Variants in SWI5 observed in about 807,000 individuals in gnomAD.
SWI5 encodes SWI5 homologous recombination repair protein.
A neutral mutation model predicts 17.0 loss-of-function variants in SWI5; 12 were observed. The observed-to-expected ratio is 0.71, with a 90% CI of 0.45 to 1.14. The LOEUF (loss-of-function observed/expected upper bound fraction) is 1.14, where lower values mean the gene tolerates loss of function less well. Ranked by LOEUF, SWI5 falls within the 50% of genes most tolerant of loss-of-function variation. The probability of loss-of-function intolerance (pLI) is 0.00; values close to 1 mark genes in which losing one functional copy is unlikely to be tolerated. For missense variants in SWI5, 158 were observed against 162.2 expected (o/e 0.97, Z 0.14); for synonymous variants, 61 against 64.0 (o/e 0.95, Z 0.22).
At chr9:128,279,479 G>T (rs1263055826) in intron 2 of SWI5, among the ~76,000 whole-genome samples, 2 of 152,188 alleles carry the variant, frequency 1.3e-5, no homozygotes, top group African/African-American at 4.8e-5. Context: ...TCACATGATC[G>T]TGGGCCAGTG....
chr9:128,278,016 G>C (rs1022875759), intron 2 of SWI5, among the ~76,000 whole-genome samples: 9 of 142,186 alleles, frequency 6.3e-5, no homozygotes, highest in Non-Finnish European at 1.3e-4. Flanking sequence ...GCAATGGTGC[G>C]ATCTGGGCTC....
chr9:128,275,918 C>T (rs1831328211), upstream of SWI5: 2 of 1,588,530 alleles, frequency 1.3e-6, no homozygotes, highest in Non-Finnish European at 1.7e-6. Flanking sequence ...GGCCAATTTG[C>T]TCTGTCGGGT....
intron 2 of SWI5, among the ~76,000 whole-genome samples, chr9:128,284,093 C>T (rs867852612): frequency 6.6e-6 from 1 of 151,480 alleles, no homozygotes; most frequent in Non-Finnish European, 1.5e-5. Context: ...GTCAGGAGTT[C>T]GAGACCAGCC....
upstream of SWI5, chr9:128,275,411 G>A (rs543897369): frequency 3.4e-5 from 44 of 1,294,488 alleles, 2 homozygotes; most frequent in South Asian, 1.2e-3. Flanking sequence ...CTCCGCGATG[G>A]GGGAGGGGAC....
chr9:128,276,077 T>TG (rs904584779), upstream of SWI5: 6 of 1,573,618 alleles, frequency 3.8e-6, no homozygotes, highest in African/African-American at 2.8e-5. Context: ...GAGCGCAGAA[T>TG]GGGGGCGTGG....
At chr9:128,275,741 G>T, upstream of SWI5, 1 of 597,866 alleles carries the variant, frequency 1.7e-6, no homozygotes, top group Non-Finnish European at 2.9e-6. Context: ...AGGGGGCGGG[G>T]CTGGCTGACA....
At chr9:128,279,170 C>T (rs1440805365) in intron 2 of SWI5, among the ~76,000 whole-genome samples, 3 of 152,164 alleles carry the variant, frequency 2.0e-5, no homozygotes, top group South Asian at 2.1e-4. Context: ...TGTGCCCGCT[C>T]GGCTGGCTCC....
chr9:128,279,816 C>T (rs1167246769), intron 2 of SWI5, among the ~76,000 whole-genome samples: 13 of 152,140 alleles, frequency 8.5e-5, no homozygotes, highest in Non-Finnish European at 2.9e-5. Context: ...CTCCCTTTCA[C>T]GGTCTGCTAG....
chr9:128,288,953 T>C, exon 5 of SWI5: 1 of 573,890 alleles, frequency 1.7e-6, no homozygotes, highest in Non-Finnish European at 3.1e-6. Context: ...TAGGGGTACA[T>C]GTACTTTATT....
At chr9:128,276,513 A>G in intron 1 of SWI5, 111 bp downstream of exon 1, 8 of 1,566,578 alleles carry the variant, frequency 5.1e-6, no homozygotes, top group Non-Finnish European at 6.9e-6. Flanking sequence ...GCTCCAGACA[A>G]CCCCCGTCTC....
exon 4 of SWI5, chr9:128,286,007 T>C: frequency 2.5e-6 from 4 of 1,613,988 alleles, no homozygotes; most frequent in Non-Finnish European, 3.4e-6. Context: ...ATCAAGGATG[T>C]GGGGCAGATG....
At chr9:128,275,501 G>A, upstream of SWI5, 1 of 1,310,106 alleles carries the variant, frequency 7.6e-7, no homozygotes. Flanking sequence ...CAGGAGGTGA[G>A]GGTCGAGTCT....
At chr9:128,287,545 A>C (rs1255860256) in intron 4 of SWI5, among the ~76,000 whole-genome samples, 1 of 145,892 alleles carries the variant, frequency 6.9e-6, no homozygotes, top group Non-Finnish European at 1.5e-5. Context: ...ACCTGGAGCC[A>C]GTGGCCTATC....
In SWI5 at chr9:128,288,809, T is replaced by G. The variant is rs1831690181; in HGVS notation, c.*93T>G. The G allele has an allele frequency of 7.7e-6, 11 of 1,423,092 alleles. No homozygotes were observed. In the South Asian group the frequency reaches 1.1e-4, roughly 14 times the overall value. The allele number at this position is 1,423,092 out of a possible 1,614,324, so 88.2% of individuals were successfully genotyped here. On this transcript the variant is annotated 3_prime_UTR_variant, in exon 5 of 5. Coordinates refer to ENST00000418976, the Ensembl canonical transcript of SWI5. ...GCCCAACCAGCACACCTACAGAGTT[T>G]CCAGCGAGACAATGCCAGAAGCACT...
Position 128,285,976 on chromosome 9 carries a change from C to G in SWI5, c.271C>G (p.Gln91Glu), listed in dbSNP as rs768918042. ...GGATGAACTGGAGGACCACATTACCCAGCTTCACGAGTACAATGACATCAA... is the reference window on the plus strand; with the variant it reads ...GGATGAACTGGAGGACCACATTACCGAGCTTCACGAGTACAATGACATCAA... Residue 91 changes from glutamine to glutamate, a missense_variant, in exon 4 of 5, where the codon CAG (glutamine) becomes GAG (glutamate). Physicochemically the swap from Gln to Glu is conservative, Grantham distance 29. Transcript: ENST00000418976. This position sits in a 1 kb window ranked among gnomAD's most constrained non-coding sequence, Gnocchi z 4.8. 3 of 1,614,144 alleles carry G rather than the reference C, an allele frequency of 1.9e-6. No individual in the cohort carries two copies. The highest frequency in any genetic ancestry group is 3.3e-5 in the Admixed American group (2 of 60,020).
intron 4 of SWI5, among the ~76,000 whole-genome samples, chr9:128,287,587 G>C (rs942015839): frequency 7.1e-6 from 1 of 140,738 alleles, no homozygotes; most frequent in African/African-American, 2.7e-5. Context: ...CGTTAGACTG[G>C]GTCTCACTGT....
chr9:128,286,263 G>C, intron 4 of SWI5: 1 of 508,628 alleles, frequency 2.0e-6, no homozygotes, highest in Non-Finnish European at 3.6e-6. Context: ...CCAGGTTTGA[G>C]CGGGGCTTGC....
chr9:128,281,430 C>T (rs1831537372), intron 2 of SWI5, among the ~76,000 whole-genome samples: 1 of 152,048 alleles, frequency 6.6e-6, no homozygotes, highest in Non-Finnish European at 1.5e-5. Flanking sequence ...TACTTTCTTC[C>T]ACCTTTCTGC....
rs1035778733 is a variant in SWI5 at position 128,285,874 on chromosome 9, C to G, written c.234-65C>G. 3.6e-6 allele frequency: 4 copies of G among 1,117,388 alleles called. No individual in the cohort carries two copies. The highest frequency in any genetic ancestry group is 5.5e-6 in the Non-Finnish European group (4 of 732,706). The allele number at this position is 1,117,388 out of a possible 1,614,324, so 69.2% of individuals were successfully genotyped here. A position where few individuals can be genotyped will look rare whatever the true frequency, so the allele number is the denominator to read the frequency against. On this transcript the variant is annotated intron_variant, in intron 3 of 4. Coordinates refer to ENST00000418976, the Ensembl canonical transcript of SWI5. The surrounding 1 kb of genome is among the most constrained non-coding windows in gnomAD (Gnocchi z 4.8). ...TACAGATGCCTTATTACTATCTGAGCCTGGGGCCATCATCTGCTTTCTTAA... is the reference window on the plus strand; with the variant it reads ...TACAGATGCCTTATTACTATCTGAGGCTGGGGCCATCATCTGCTTTCTTAA...
Sources: allele counts gnomAD v4.1 joint callset (sites outside exome capture counted in the v4.1 genomes callset), GRCh38; gene constraint gnomAD v4.1.1; non-coding constraint Gnocchi (gnomAD v3.1); transcripts MANE v1.5; gene names NCBI Gene and HGNC (gene_info 2026-07-23, HGNC 2026-07-21).